APBA2: variants seen among roughly 807,000 people sequenced by gnomAD.
APBA2 encodes amyloid beta precursor protein binding family A member 2, also known as amyloid-beta A4 precursor protein-binding family A member 2.
APBA2 carries 30 observed loss-of-function variants against 75.0 expected under a neutral mutation model. The observed-to-expected ratio is 0.40, with a 90% CI of 0.30 to 0.54. The LOEUF is 0.54. Ranked by LOEUF, APBA2 falls within the 20% of genes least tolerant of loss-of-function variation. The pLI, the probability that APBA2 is intolerant of heterozygous loss-of-function variation, is 0.49. For missense variants in APBA2, 801 were observed against 1,016.1 expected (o/e 0.79, Z 2.88); for synonymous variants, 444 against 409.6 (o/e 1.08, Z -1.01).
At chr15:28,900,502 C>G (rs2032785825) in intron 1 of APBA2, among the ~76,000 whole-genome samples, 1 of 152,218 alleles carries the variant, frequency 6.6e-6, no homozygotes, top group African/African-American at 2.4e-5. Flanking sequence ...TTGTCATCTT[C>G]TTTCCAGCCA....
At chr15:28,999,542 G>A (rs2038733078) in intron 3 of APBA2, among the ~76,000 whole-genome samples, 1 of 152,182 alleles carries the variant, frequency 6.6e-6, no homozygotes, top group African/African-American at 2.4e-5. Flanking sequence ...GATAATCGAA[G>A]GGTTGCCCAG....
chr15:29,005,268 T>C (rs538159501), intron 3 of APBA2, among the ~76,000 whole-genome samples: 1 of 152,256 alleles, frequency 6.6e-6, no homozygotes, highest in East Asian at 1.9e-4. Flanking sequence ...TGCCTTTTTT[T>C]TTGTTTTTTT....
At chr15:29,031,808 C>T (rs1267218859) in intron 3 of APBA2, among the ~76,000 whole-genome samples, 1 of 152,200 alleles carries the variant, frequency 6.6e-6, no homozygotes, top group Non-Finnish European at 1.5e-5. Context: ...AGCGCTGATG[C>T]ATTTTACAAT....
chr15:28,949,959 T>G (rs150028393), intron 2 of APBA2, among the ~76,000 whole-genome samples: 185 of 152,276 alleles, frequency 1.2e-3, no homozygotes, highest in African/African-American at 4.1e-3. Context: ...ACTCTGCAGT[T>G]TATTCCAATT....
chr15:28,975,201 G>T (rs1052811652), intron 2 of APBA2, among the ~76,000 whole-genome samples: 1 of 151,374 alleles, frequency 6.6e-6, no homozygotes, highest in African/African-American at 2.4e-5. Flanking sequence ...GACACAGAAA[G>T]TTTTAAAAAA....
intron 3 of APBA2, among the ~76,000 whole-genome samples, chr15:29,037,384 A>C (rs1364490602): frequency 6.6e-6 from 1 of 152,114 alleles, no homozygotes; most frequent in Non-Finnish European, 1.5e-5. Flanking sequence ...GGTTCTAGGG[A>C]CCAGGCAAAC....
At chr15:29,035,811 C>A (rs2040718842) in intron 3 of APBA2, among the ~76,000 whole-genome samples, 1 of 152,162 alleles carries the variant, frequency 6.6e-6, no homozygotes, top group Non-Finnish European at 1.5e-5. Flanking sequence ...GGGCTGGGAG[C>A]CAGAAGCCCC....
intron 6 of APBA2, among the ~76,000 whole-genome samples, chr15:29,083,140 A>G (rs930579072): frequency 6.6e-6 from 1 of 152,228 alleles, no homozygotes; most frequent in Non-Finnish European, 1.5e-5. Flanking sequence ...AATTATTTAA[A>G]TAATTGATTT....
At chr15:28,966,327 T>A (rs147533659) in intron 2 of APBA2, among the ~76,000 whole-genome samples, 4 of 152,306 alleles carry the variant, frequency 2.6e-5, no homozygotes, top group African/African-American at 9.6e-5. Context: ...AATTTGTCGA[T>A]TTTTCTCTTG....
intron 10 of APBA2, 149 bp downstream of exon 10, chr15:29,101,933 C>T (rs1202178843): frequency 2.4e-6 from 2 of 819,682 alleles, no homozygotes; most frequent in African/African-American, 1.7e-5. Flanking sequence ...TTTGCATACT[C>T]TTTGGGTTTG....
intron 9 of APBA2, among the ~76,000 whole-genome samples, chr15:29,101,164 C>T (rs2044099012): frequency 6.6e-6 from 1 of 151,908 alleles, no homozygotes; most frequent in African/African-American, 2.4e-5. Flanking sequence ...AAGAATGATC[C>T]GGCCCCAAAT....
chr15:28,893,399 C>T (rs1490529398), intron 1 of APBA2, among the ~76,000 whole-genome samples: 1 of 152,210 alleles, frequency 6.6e-6, no homozygotes, highest in African/African-American at 2.4e-5. Context: ...CTGGCTAGTA[C>T]TTGTGAAAGC....
intron 4 of APBA2, 136 bp from the exon 5 acceptor site, chr15:29,074,785 A>T (rs2042775167): frequency 1.4e-6 from 1 of 713,656 alleles, no homozygotes; most frequent in African/African-American, 1.8e-5. Flanking sequence ...AATTAAATAG[A>T]CGTCTGCACA....
chr15:28,934,693 C>T (rs1056419382), intron 2 of APBA2, among the ~76,000 whole-genome samples: 13 of 152,186 alleles, frequency 8.5e-5, no homozygotes, highest in African/African-American at 2.9e-4. Flanking sequence ...CTGGGGCCTC[C>T]TCAGAGCCAT....
rs1173622116 is a variant in APBA2, at chr15:28,948,922, G to A, written c.-95+27173G>A. Among the ~76,000 whole-genome samples, 11 of 150,668 alleles carry A rather than the reference G, an allele frequency of 7.3e-5. No individual in the cohort carries two copies. The South Asian group carries it at 1.1e-3, about 15-fold the overall frequency. On this transcript the variant is annotated intron_variant, in intron 2 of 14. Transcript: ENST00000683413. The stretch of plus-strand genomic sequence containing the variant: ...TTGGTGAGGATAGGCAGGGGTGGGC[G>A]TCCAAGGCTGCAGAGTTGTAAAGCG...
chr15:28,935,137 A>T (rs966186404), intron 2 of APBA2, among the ~76,000 whole-genome samples: 5 of 152,202 alleles, frequency 3.3e-5, no homozygotes, highest in African/African-American at 1.2e-4. Context: ...TATTTCTCCA[A>T]CACTAGGTTT....
At chr15:29,083,307 G>A (rs1284250000) in intron 6 of APBA2, among the ~76,000 whole-genome samples, 1 of 151,984 alleles carries the variant, frequency 6.6e-6, no homozygotes, top group East Asian at 1.9e-4. Context: ...TGTGGGTCTC[G>A]GTCTGTTTCT....
chr15:29,016,890 A>G (rs2039687855), intron 3 of APBA2, among the ~76,000 whole-genome samples: 1 of 150,712 alleles, frequency 6.6e-6, no homozygotes, highest in African/African-American at 2.4e-5. Context: ...TTCCTTTTTT[A>G]TCTTCAGATT....
Position 29,117,202 on chromosome 15 carries a change from C to A in APBA2, c.*69C>A, listed in dbSNP as rs537068704. 5 of 1,499,010 alleles carry A rather than the reference C, an allele frequency of 3.3e-6. No individual in the cohort carries two copies. The highest frequency in any genetic ancestry group is 3.7e-6 in the Non-Finnish European group (4 of 1,078,542). The allele number at this position is 1,499,010 out of a possible 1,614,324, so 92.9% of individuals were successfully genotyped here. ...GCCCGGGCCCAGAGGAGCTGGGAGC[C>A]GGGCCGCAGACTTGACCCCGACGCC... On this transcript the variant is annotated 3_prime_UTR_variant, in exon 15 of 15. Transcript: ENST00000683413.
Sources: gnomAD v4.1 joint callset for allele counts (sites outside exome capture counted in the v4.1 genomes callset) on GRCh38, gnomAD v4.1.1 for gene constraint, MANE v1.5 for transcripts, NCBI Gene and HGNC (gene_info 2026-07-23, HGNC 2026-07-21) for gene names.